Variants in PPP1R14C observed in about 807,000 individuals in gnomAD.
PPP1R14C encodes the protein protein phosphatase 1 regulatory subunit 14C.
PPP1R14C carries 16 observed loss-of-function variants against 20.4 expected under a neutral mutation model. The observed-to-expected ratio is 0.78, with a 90% CI of 0.53 to 1.19. The LOEUF (loss-of-function observed/expected upper bound fraction) is 1.19, where lower values mean the gene tolerates loss of function less well. Ranked by LOEUF, PPP1R14C falls within the 50% of genes most tolerant of loss-of-function variation. The probability of loss-of-function intolerance (pLI) is 0.00; values close to 1 mark genes in which losing one functional copy is unlikely to be tolerated. For synonymous variants in PPP1R14C, 91 were observed against 91.0 expected, an observed-to-expected ratio of 1.00 and a Z score of 0.00; for missense variants, 211 against 220.1, an observed-to-expected ratio of 0.96 and a Z score of 0.26.
At chr6:150,188,059 T>C (rs1777698053) in intron 1 of PPP1R14C, among the ~76,000 whole-genome samples, 1 of 152,252 alleles carries the variant, frequency 6.6e-6, no homozygotes, top group African/African-American at 2.4e-5. Context: ...TAGAATATTA[T>C]ATTCTAACAT....
intron 1 of PPP1R14C, among the ~76,000 whole-genome samples, chr6:150,152,012 T>C (rs1048968019): frequency 3.4e-5 from 5 of 148,404 alleles, no homozygotes; most frequent in African/African-American, 7.5e-5. Flanking sequence ...CCCAGCTACT[T>C]GGGAGGCTGA....
intron 1 of PPP1R14C, among the ~76,000 whole-genome samples, chr6:150,204,007 G>T (rs1385219600): frequency 6.6e-6 from 1 of 152,210 alleles, no homozygotes; most frequent in Non-Finnish European, 1.5e-5. Context: ...CAAGCCTGTA[G>T]CTTCCGCATG....
rs117251981 is a variant in PPP1R14C, at chr6:150,178,139, C to T, written c.306+34641C>T. ...GAGGCCTTTTGTGCAGAGCCTTGCC[C>T]TTGTGTGTGCCCTCCTACTCCATCT... On this transcript the variant is annotated intron_variant, in intron 1 of 3. Transcript: ENST00000361131. Among the ~76,000 whole-genome samples the T allele has an allele frequency of 2.8e-3, 420 of 152,306 alleles. 3 individuals carry two copies. Among genetic ancestry groups the T allele is most frequent in the African/African-American group, 9.7e-3 (402 of 41,572 alleles).
At chr6:150,194,457 T>C (rs903248765) in intron 1 of PPP1R14C, 1 of 983,236 alleles carries the variant, frequency 1.0e-6, no homozygotes, top group Non-Finnish European at 1.2e-6. Flanking sequence ...TTAAGTGGCA[T>C]GTGTAATTTA....
intron 1 of PPP1R14C, among the ~76,000 whole-genome samples, chr6:150,186,778 G>A (rs995912831): frequency 6.6e-6 from 1 of 152,070 alleles, no homozygotes. Flanking sequence ...GGGAAGAAAG[G>A]GGGAGAAAGT....
chr6:150,181,922 G>C (rs1336809355), intron 1 of PPP1R14C, among the ~76,000 whole-genome samples: 2 of 152,186 alleles, frequency 1.3e-5, no homozygotes, highest in East Asian at 3.8e-4. Flanking sequence ...TTTGCAGTAT[G>C]TTTATCCCCT....
intron 1 of PPP1R14C, among the ~76,000 whole-genome samples, chr6:150,167,968 T>C (rs1013244680): frequency 6.9e-6 from 1 of 144,132 alleles, no homozygotes; most frequent in African/African-American, 2.6e-5. Context: ...CCTCCCCTCT[T>C]TCTCTCCTTC....
At chr6:150,170,799 G>A (rs1271650161) in intron 1 of PPP1R14C, among the ~76,000 whole-genome samples, 1 of 147,390 alleles carries the variant, frequency 6.8e-6, no homozygotes, top group Non-Finnish European at 1.5e-5. Flanking sequence ...TTTTTTAATG[G>A]TAAGGAATTT....
chr6:150,155,376 AAGC>A (rs1033492724), intron 1 of PPP1R14C, among the ~76,000 whole-genome samples: 6 of 152,236 alleles, frequency 3.9e-5, no homozygotes, highest in African/African-American at 1.4e-4. Context: ...TAGAATCATA[AAGC>A]ACCATCAGAT....
At chr6:150,213,346 A>AACACACACACACACAC (rs3049230) in intron 1 of PPP1R14C, among the ~76,000 whole-genome samples, 3 of 149,306 alleles carry the variant, frequency 2.0e-5, no homozygotes, top group African/African-American at 7.4e-5. Context: ...TTTGTGTTGT[A>AACACACACACACACAC]ACACACACAC....
intron 3 of PPP1R14C, among the ~76,000 whole-genome samples, chr6:150,231,015 G>T (rs1002284770): frequency 6.6e-6 from 1 of 152,222 alleles, no homozygotes; most frequent in African/African-American, 2.4e-5. Flanking sequence ...ACTGGCTAGA[G>T]CAGGTGGGGC....
chr6:150,161,016 A>G (rs1320239648), intron 1 of PPP1R14C, among the ~76,000 whole-genome samples: 1 of 152,154 alleles, frequency 6.6e-6, no homozygotes, highest in African/African-American at 2.4e-5. Context: ...GCGGTGGCTC[A>G]TGCCTGTAAT....
intron 1 of PPP1R14C, among the ~76,000 whole-genome samples, chr6:150,180,263 G>A (rs1777606861): frequency 6.6e-6 from 1 of 152,226 alleles, no homozygotes; most frequent in South Asian, 2.1e-4. Flanking sequence ...CATTAGCATA[G>A]TGTCTGGTAG....
intron 3 of PPP1R14C, among the ~76,000 whole-genome samples, chr6:150,239,390 C>T (rs1277758337): frequency 1.3e-5 from 2 of 152,196 alleles, no homozygotes; most frequent in Non-Finnish European, 2.9e-5. Flanking sequence ...TCTTTGATTA[C>T]AGTGGAATTA....
chr6:150,226,073 C>T (rs568230846), intron 3 of PPP1R14C, among the ~76,000 whole-genome samples: 1 of 151,304 alleles, frequency 6.6e-6, no homozygotes, highest in African/African-American at 2.4e-5. Flanking sequence ...CTTGTGTGCC[C>T]CCATTTTGAT....
At position 150,160,219 on chromosome 6, in the gene PPP1R14C, A is replaced by G. The variant is rs537126804; in HGVS notation, c.306+16721A>G. ...CAGCTACTCCCTCCCTTTCCACACT[A>G]TATTCTTTGGAAGAAAATCACTATG... On this transcript the variant is annotated intron_variant, in intron 1 of 3. Coordinates refer to ENST00000361131, the MANE Select transcript of PPP1R14C (RefSeq NM_030949.3). 3.6e-5 allele frequency among the ~76,000 whole-genome samples: 5 copies of G among 137,452 alleles called. No individual in the cohort carries two copies. The South Asian group carries it at 1.1e-3, about 31-fold the overall frequency. The allele number at this position is 137,452 out of a possible 152,430, so 90.2% of individuals were successfully genotyped here. A position where few individuals can be genotyped will look rare whatever the true frequency, so the allele number is the denominator to read the frequency against.
intron 3 of PPP1R14C, among the ~76,000 whole-genome samples, chr6:150,222,636 C>T (rs6557375): frequency 0.17 from 25,731 of 152,022 alleles, 2,803 homozygotes; most frequent in African/African-American, 0.31. Flanking sequence ...CCCCTGGCAA[C>T]CACTGATCTC....
In PPP1R14C at chr6:150,201,048, C is replaced by T. The variant is rs1777871360; in HGVS notation, c.307-13696C>T. ...GGCACATAGCACAAGTTGTAGGGGC[C>T]ATACATTTTGAGGTCAGATTGTCCA... is the stretch of plus-strand genomic sequence containing the variant. On this transcript the variant is annotated intron_variant, in intron 1 of 3. Coordinates refer to ENST00000361131, the MANE Select transcript of PPP1R14C (RefSeq NM_030949.3). This position sits in a 1 kb window ranked among gnomAD's most constrained non-coding sequence, Gnocchi z 4.2. Among the ~76,000 whole-genome samples, 1 of 152,180 alleles carries T rather than the reference C, an allele frequency of 6.6e-6. No individual in the cohort carries two copies. Among genetic ancestry groups the T allele is most frequent in the Admixed American group, 6.5e-5 (1 of 15,282 alleles).
chr6:150,178,870 AG>A, intron 1 of PPP1R14C, among the ~76,000 whole-genome samples: 1 of 152,346 alleles, frequency 6.6e-6, no homozygotes, highest in East Asian at 1.9e-4. Flanking sequence ...GGAAATAAAC[AG>A]GATCTGTGTA....
Sources: gnomAD v4.1 joint callset for allele counts (sites outside exome capture counted in the v4.1 genomes callset) on GRCh38, gnomAD v4.1.1 for gene constraint, Gnocchi (gnomAD v3.1) non-coding constraint, MANE v1.5 for transcripts, NCBI Gene and HGNC (gene_info 2026-07-23, HGNC 2026-07-21) for gene names.